Variants in MAF observed in about 807,000 individuals in gnomAD.
The protein encoded by MAF is MAF bZIP transcription factor, also known as transcription factor Maf.
A neutral mutation model predicts 22.0 loss-of-function variants in MAF; 10 were observed. That is an observed-to-expected ratio of 0.45 (90% CI 0.28 to 0.77). The LOEUF (loss-of-function observed/expected upper bound fraction) is 0.77. Among genes scored for constraint, MAF ranks in the 30% least tolerant of loss-of-function variants. The probability of loss-of-function intolerance (pLI) is 0.12; values close to 1 mark genes in which losing one functional copy is unlikely to be tolerated. For synonymous variants in MAF, 337 were observed against 255.8 expected (o/e 1.32, Z -3.03); for missense variants, 544 against 548.4 (o/e 0.99, Z 0.08).
At chr16:79,355,151 G>C in the MAF span, among the ~76,000 whole-genome samples, 2 of 152,112 alleles carry the variant, frequency 1.3e-5, no homozygotes, top group African/African-American at 2.4e-5. Flanking sequence ...TATCTTGCAG[G>C]ATCCTAGTGA....
chr16:79,221,957 G>T, the MAF span, among the ~76,000 whole-genome samples: 5 of 152,042 alleles, frequency 3.3e-5, no homozygotes, highest in East Asian at 9.6e-4. Flanking sequence ...ACTTCCCTGG[G>T]ACACAGACAG....
the MAF span, among the ~76,000 whole-genome samples, chr16:79,560,160 C>A: frequency 6.6e-6 from 1 of 152,024 alleles, no homozygotes; most frequent in African/African-American, 2.4e-5. Flanking sequence ...ATTCTCCTGC[C>A]TCGGCTTCCC....
the MAF span, among the ~76,000 whole-genome samples, chr16:79,367,527 T>C: frequency 6.6e-6 from 1 of 152,190 alleles, no homozygotes; most frequent in Non-Finnish European, 1.5e-5. Flanking sequence ...AAGTGGTGGT[T>C]CTTGGAGGAT....
At chr16:79,378,044 G>C in the MAF span, among the ~76,000 whole-genome samples, 2 of 152,156 alleles carry the variant, frequency 1.3e-5, no homozygotes, top group African/African-American at 2.4e-5. Context: ...CTTTAAAGTA[G>C]GTTTTCCCAA....
At chr16:79,376,692 A>C in the MAF span, among the ~76,000 whole-genome samples, 6 of 151,908 alleles carry the variant, frequency 3.9e-5, no homozygotes, top group Non-Finnish European at 8.8e-5. Context: ...CCCACCCTAC[A>C]ACAGGCCCTG....
chr16:79,276,914 T>A, the MAF span, among the ~76,000 whole-genome samples: 2 of 152,162 alleles, frequency 1.3e-5, no homozygotes, highest in Non-Finnish European at 2.9e-5. Context: ...TTCCCATGTC[T>A]GGTGGCGGCG....
At chr16:79,212,327 T>C in the MAF span, 1 of 755,376 alleles carries the variant, frequency 1.3e-6, no homozygotes. Flanking sequence ...CAGAACCTTG[T>C]CCCAGCCAGT....
At chr16:79,279,946 A>G in the MAF span, among the ~76,000 whole-genome samples, 9 of 152,160 alleles carry the variant, frequency 5.9e-5, no homozygotes, top group Non-Finnish European at 1.0e-4. Flanking sequence ...CTTGCCCGGG[A>G]CACAGTTTGT....
At chr16:79,372,430 G>A in the MAF span, among the ~76,000 whole-genome samples, 1 of 152,160 alleles carries the variant, frequency 6.6e-6, no homozygotes, top group Admixed American at 6.5e-5. Context: ...TCTGCTCAGA[G>A]ACCAGCTCGA....
At position 79,594,007 on chromosome 16, in the gene MAF, G is replaced by A; in HGVS notation, c.*453C>T. The A allele has an allele frequency of 4.5e-6, 1 of 224,430 alleles. No individual in the cohort carries two copies. Among genetic ancestry groups the A allele is most frequent in the Non-Finnish European group, 9.0e-6 (1 of 111,710 alleles). 13.9% of individuals were successfully genotyped at this position (224,430 alleles called of 1,614,324 possible). On this transcript the variant is annotated 3_prime_UTR_variant, in exon 2 of 2. Coordinates refer to ENST00000326043, the MANE Select transcript of MAF (RefSeq NM_005360.5). ...CTGCCCGTGGATTTGTTTAGGGAAG[G>A]GGAGTCGAATATCTATTTTTCTTCT...
chr16:79,295,967 C>G, the MAF span, among the ~76,000 whole-genome samples: 1 of 152,220 alleles, frequency 6.6e-6, no homozygotes, highest in East Asian at 1.9e-4. Flanking sequence ...ACCTCACCTC[C>G]TGCGGTCTGT....
chr16:79,217,310 C>T, the MAF span, among the ~76,000 whole-genome samples: 2 of 152,190 alleles, frequency 1.3e-5, no homozygotes, highest in Non-Finnish European at 2.9e-5. Context: ...GGGCCTTCCA[C>T]TACACACTAC....
chr16:79,552,567 T>C, the MAF span, among the ~76,000 whole-genome samples: 1 of 152,220 alleles, frequency 6.6e-6, no homozygotes, highest in African/African-American at 2.4e-5. Context: ...TTCGTAAGTC[T>C]CATTTTAAGT....
the MAF span, among the ~76,000 whole-genome samples, chr16:79,485,463 C>T: frequency 1.3e-5 from 2 of 152,162 alleles, no homozygotes; most frequent in African/African-American, 2.4e-5. Flanking sequence ...AGGCTGAATG[C>T]TCCTTGAGGA....
chr16:79,320,227 GTCTC>G, the MAF span, among the ~76,000 whole-genome samples: 2 of 152,274 alleles, frequency 1.3e-5, no homozygotes, highest in East Asian at 3.9e-4. Flanking sequence ...TTTGTCTGAT[GTCTC>G]TCTCTATATA....
chr16:79,316,651 T>C, the MAF span, among the ~76,000 whole-genome samples: 4 of 152,184 alleles, frequency 2.6e-5, no homozygotes, highest in African/African-American at 4.8e-5. Flanking sequence ...TGCCAAGATA[T>C]GCCTTCAGAG....
At chr16:79,351,882 C>T in the MAF span, among the ~76,000 whole-genome samples, 24 of 152,162 alleles carry the variant, frequency 1.6e-4, no homozygotes, top group African/African-American at 5.8e-4. Flanking sequence ...CTGCCTTTTT[C>T]ACTTTGTTAC....
the MAF span, among the ~76,000 whole-genome samples, chr16:79,420,550 T>TACGGCCTCCCCCACTA: frequency 6.6e-6 from 1 of 151,844 alleles, no homozygotes; most frequent in Non-Finnish European, 1.5e-5. Flanking sequence ...CCCCTCCCCC[T>TACGGCCTCCCCCACTA]ACGGCCTCCC....
the MAF span, among the ~76,000 whole-genome samples, chr16:79,469,649 T>C: frequency 2.6e-5 from 4 of 152,142 alleles, no homozygotes; most frequent in Admixed American, 2.6e-4. Context: ...CAGACTGGAG[T>C]GCAGTGGCGT....
Sources: gnomAD v4.1 joint callset for allele counts (sites outside exome capture counted in the v4.1 genomes callset) on GRCh38, gnomAD v4.1.1 for gene constraint, MANE v1.5 for transcripts, NCBI Gene and HGNC (gene_info 2026-07-23, HGNC 2026-07-21) for gene names.